NLK: variants seen among roughly 807,000 people sequenced by gnomAD.
NLK encodes serine/threonine-protein kinase NLK.
Under a neutral mutation model 59.0 loss-of-function variants are expected in NLK, and 11 were observed. That is an observed-to-expected ratio of 0.19 (90% CI 0.12 to 0.31). NLK has a LOEUF of 0.31. Ranked by LOEUF, NLK falls within the 10% of genes least tolerant of loss-of-function variation. NLK has a pLI of 1.00. For synonymous variants in NLK, 235 were observed against 235.9 expected (o/e 1.00, Z 0.03); for missense variants, 410 against 661.1 (o/e 0.62, Z 4.16).
At chr17:28,175,934 C>CA (rs1908658955) in intron 7 of NLK, among the ~76,000 whole-genome samples, 1 of 152,094 alleles carries the variant, frequency 6.6e-6, no homozygotes. Flanking sequence ...CAAGAAAAAT[C>CA]ATGTTTATCT....
intron 7 of NLK, among the ~76,000 whole-genome samples, chr17:28,174,520 A>G (rs1258907851): frequency 1.3e-5 from 2 of 152,132 alleles, no homozygotes; most frequent in African/African-American, 4.8e-5. Context: ...GGCTAGATGC[A>G]CTTTGCAGAG....
intron 5 of NLK, 113 bp from the exon 6 acceptor site, chr17:28,168,335 C>CA (rs371518289): frequency 0.071 from 41,565 of 586,774 alleles, no homozygotes; most frequent in East Asian, 0.084. Flanking sequence ...GACTCCATCT[C>CA]AAAAAAAAAA....
intron 1 of NLK, among the ~76,000 whole-genome samples, chr17:28,072,982 G>C (rs989718946): frequency 2.6e-5 from 4 of 151,668 alleles, no homozygotes; most frequent in African/African-American, 9.7e-5. Context: ...CATGACATTA[G>C]AACTTTATTT....
In NLK at chr17:28,095,825, A is replaced by C. The variant is rs373835610; in HGVS notation, c.459-26778A>C. Among the ~76,000 whole-genome samples, 16 of 152,332 alleles carry C rather than the reference A, an allele frequency of 1.1e-4. No individual in the cohort carries two copies. The East Asian group carries it at 2.5e-3, about 24-fold the overall frequency. ...ACAACCAGATGGCATTCTGACACTC[A>C]CTGTAAGTATTCTAGGATTTTTCTA... On this transcript the variant is annotated intron_variant, in intron 1 of 10. Coordinates refer to ENST00000407008, the MANE Select transcript of NLK (RefSeq NM_016231.5).
At chr17:28,140,445 A>T (rs560202010) in intron 3 of NLK, among the ~76,000 whole-genome samples, 1 of 152,324 alleles carries the variant, frequency 6.6e-6, no homozygotes, top group South Asian at 2.1e-4. Flanking sequence ...TTTTACCACA[A>T]TTTTTAAAAA....
At chr17:28,185,739 A>G (rs1909091658) in intron 8 of NLK, among the ~76,000 whole-genome samples, 1 of 152,034 alleles carries the variant, frequency 6.6e-6, no homozygotes, top group East Asian at 1.9e-4. Flanking sequence ...AGGTCTCACT[A>G]TATTGCCCAG....
intron 1 of NLK, among the ~76,000 whole-genome samples, chr17:28,098,494 G>A (rs1904780967): frequency 1.3e-5 from 2 of 152,016 alleles, no homozygotes; most frequent in South Asian, 4.1e-4. Flanking sequence ...TAAAATTCAG[G>A]AAAGGGGAAG....
chr17:28,198,301 G>A (rs777977506), downstream of NLK, among the ~76,000 whole-genome samples: 5 of 151,452 alleles, frequency 3.3e-5, no homozygotes, highest in South Asian at 4.2e-4. Context: ...TCACCCAGCC[G>A]AGCACGTATA....
At chr17:28,185,468 G>A (rs886936337) in intron 8 of NLK, among the ~76,000 whole-genome samples, 8 of 152,226 alleles carry the variant, frequency 5.3e-5, no homozygotes, top group African/African-American at 9.6e-5. Context: ...GAAGAGATAA[G>A]GAGCTGGATC....
At chr17:28,167,786 T>A (rs898622734) in intron 5 of NLK, among the ~76,000 whole-genome samples, 4 of 151,294 alleles carry the variant, frequency 2.6e-5, no homozygotes, top group African/African-American at 9.7e-5. Flanking sequence ...CTCAGATCGA[T>A]CACGCCACTG....
intron 3 of NLK, among the ~76,000 whole-genome samples, chr17:28,156,954 A>T (rs984873695): frequency 6.6e-6 from 1 of 152,070 alleles, no homozygotes; most frequent in African/African-American, 2.4e-5. Context: ...TTCTGCATTT[A>T]TTGGTTGAAA....
intron 3 of NLK, among the ~76,000 whole-genome samples, chr17:28,140,803 C>T (rs1445533718): frequency 6.6e-6 from 1 of 151,574 alleles, no homozygotes; most frequent in Non-Finnish European, 1.5e-5. Context: ...ACCCCACCCC[C>T]CAAAAAAGAG....
the NLK span, among the ~76,000 whole-genome samples, chr17:28,205,700 G>A: frequency 2.0e-5 from 3 of 151,776 alleles, no homozygotes; most frequent in Admixed American, 2.0e-4. Flanking sequence ...CCTGCCCCTG[G>A]TAACCACTGT....
chr17:28,049,927 C>T (rs2142733560), intron 1 of NLK, among the ~76,000 whole-genome samples: 1 of 152,258 alleles, frequency 6.6e-6, no homozygotes, highest in East Asian at 1.9e-4. Flanking sequence ...TTGCAGTGAG[C>T]CAAGATCGTG....
the NLK span, among the ~76,000 whole-genome samples, chr17:28,203,884 GTC>G: frequency 3.3e-5 from 5 of 152,182 alleles, no homozygotes; most frequent in Non-Finnish European, 7.3e-5. Flanking sequence ...ATTTGGGGCT[GTC>G]TTGTATCCAG....
At chr17:28,156,573 G>T (rs1443493469) in intron 3 of NLK, among the ~76,000 whole-genome samples, 1 of 152,130 alleles carries the variant, frequency 6.6e-6, no homozygotes, top group Non-Finnish European at 1.5e-5. Flanking sequence ...TTTGTGGGAG[G>T]GGGAGGGGGA....
chr17:28,048,755 G>A (rs1006943398), intron 1 of NLK: 2 of 152,082 alleles, frequency 1.3e-5, no homozygotes, highest in Non-Finnish European at 1.5e-5. Flanking sequence ...ATTCTTGGTC[G>A]TTTTTATTAG....
intron 1 of NLK, among the ~76,000 whole-genome samples, chr17:28,097,171 G>A (rs947493109): frequency 3.3e-5 from 5 of 151,982 alleles, no homozygotes; most frequent in Admixed American, 6.5e-5. Context: ...CATATTATAA[G>A]TTATTTTTAT....
chr17:28,135,859 C>A (rs1443474506), intron 3 of NLK, among the ~76,000 whole-genome samples: 17 of 152,164 alleles, frequency 1.1e-4, no homozygotes, highest in Non-Finnish European at 1.5e-5. Context: ...GTATGTGCTT[C>A]TGTAAGATAA....
Sources: allele counts gnomAD v4.1 joint callset (sites outside exome capture counted in the v4.1 genomes callset), GRCh38; gene constraint gnomAD v4.1.1; transcripts MANE v1.5; gene names NCBI Gene and HGNC (gene_info 2026-07-23, HGNC 2026-07-21).